The following VPS13C variants were observed in gnomAD, a reference collection of about 807,000 sequenced individuals.
VPS13C encodes vacuolar protein sorting 13 homolog C.
Under a neutral mutation model 456.8 loss-of-function variants are expected in VPS13C, and 358 were observed. The ratio of observed to expected loss-of-function variants is 0.78; its 90% CI spans 0.72 to 0.86. VPS13C has a LOEUF of 0.86. VPS13C is among the 40% of genes least tolerant of loss of function. The pLI is 0.00. For synonymous variants in VPS13C, 1,578 were observed against 1,486.7 expected (o/e 1.06, Z -1.41); for missense variants, 4,818 against 4,385.4 (o/e 1.10, Z -2.79).
intron 60 of VPS13C, 36 bp downstream of exon 60, chr15:61,917,305 C>A (rs949360281): frequency 1.3e-6 from 2 of 1,594,682 alleles, no homozygotes; most frequent in Non-Finnish European, 1.7e-6. Context: ...TTACTCTGTG[C>A]AACAACAAAA....
chr15:61,956,678 G>T (rs1169668398), intron 37 of VPS13C, among the ~76,000 whole-genome samples: 2 of 151,998 alleles, frequency 1.3e-5, no homozygotes, highest in South Asian at 4.1e-4. Context: ...TATCCAAATG[G>T]CCAATAACCA....
chr15:61,947,108 T>C, intron 43 of VPS13C, 85 bp downstream of exon 43: 1 of 856,452 alleles, frequency 1.2e-6, no homozygotes, highest in East Asian at 2.8e-5. Context: ...AAAAGAAAAC[T>C]CATGAGAAAT....
rs6494302 is a variant in VPS13C at position 62,023,742 on chromosome 15, T to C, written c.514+38A>G. 3,057 of 1,551,818 alleles carry C rather than the reference T, an allele frequency of 2.0e-3. 47 individuals carry two copies. In the African/African-American group the frequency reaches 0.027, roughly 14 times the overall value. ...AAATCAGAAATAAAGTGGCAATGTG[T>C]ATAAACAACACCATGGCATAAAACT... On this transcript the variant is annotated intron_variant, in intron 7 of 84. Coordinates refer to ENST00000644861, the MANE Select transcript of VPS13C (RefSeq NM_020821.3).
intron 82 of VPS13C, 76 bp from the exon 83 acceptor site, chr15:61,856,485 G>C (rs1893912614): frequency 6.5e-7 from 1 of 1,543,200 alleles, no homozygotes; most frequent in East Asian, 2.3e-5. Flanking sequence ...TCACCCTACT[G>C]GATGGCAGAG....
At chr15:62,047,324 C>T (rs1442515595) in intron 1 of VPS13C, among the ~76,000 whole-genome samples, 1 of 151,808 alleles carries the variant, frequency 6.6e-6, no homozygotes, top group Non-Finnish European at 1.5e-5. Flanking sequence ...ATCCCAACTA[C>T]TCAGGAGGCT....
chr15:62,027,256 C>T (rs1414818258), intron 6 of VPS13C, among the ~76,000 whole-genome samples: 1 of 151,812 alleles, frequency 6.6e-6, no homozygotes, highest in Non-Finnish European at 1.5e-5. Flanking sequence ...TAAAAAAAAA[C>T]TGAATCAATG....
intron 66 of VPS13C, among the ~76,000 whole-genome samples, chr15:61,898,157 T>G (rs1196275736): frequency 6.6e-6 from 1 of 151,196 alleles, no homozygotes; most frequent in Non-Finnish European, 1.5e-5. Context: ...CATGCCAAAA[T>G]GTAAAGACCA....
chr15:62,043,965 A>C (rs1350437733), intron 2 of VPS13C, among the ~76,000 whole-genome samples: 1 of 152,208 alleles, frequency 6.6e-6, no homozygotes, highest in African/African-American at 2.4e-5. Context: ...AGTCAACTAC[A>C]AAACTATACA....
At chr15:61,994,931 A>T (rs2046334804) in intron 16 of VPS13C, among the ~76,000 whole-genome samples, 1 of 152,294 alleles carries the variant, frequency 6.6e-6, no homozygotes, top group South Asian at 2.1e-4. Flanking sequence ...GATTCTGCTG[A>T]CATTGAAAAT....
At chr15:62,005,214 G>A (rs1374561380) in intron 15 of VPS13C, among the ~76,000 whole-genome samples, 4 of 152,136 alleles carry the variant, frequency 2.6e-5, no homozygotes, top group African/African-American at 7.2e-5. Flanking sequence ...CCTGTATTGG[G>A]TGCATATATA....
At position 61,915,865 on chromosome 15, in the gene VPS13C, G is replaced by C. The variant is rs532971259; in HGVS notation, c.8213C>G (p.Pro2738Arg). Residue 2738 changes from proline (P) to arginine (R), a missense_variant, in exon 61 of 85, where the codon CCT (proline) becomes CGT (arginine). Around this residue, in one of 3 missense-constraint regions of VPS13C, gnomAD observed 4,552 missense variants for 4,130.6 expected, o/e 1.10. Coordinates refer to ENST00000644861, the MANE Select transcript of VPS13C (RefSeq NM_020821.3). ...RIRDTLPEFF[P>R]VCFSSDSTEV... ...TGTGGAGTCAGAAGAAAAACACACA[G>C]GAAAGAATTCTGGTAGTGTATCACG... 24 of 1,613,890 alleles carry C rather than the reference G, an allele frequency of 1.5e-5. 1 individual carries two copies. The African/African-American group carries it at 2.9e-4, about 20-fold the overall frequency.
At chr15:62,054,223 G>C (rs1409113181) in intron 1 of VPS13C, among the ~76,000 whole-genome samples, 1 of 152,164 alleles carries the variant, frequency 6.6e-6, no homozygotes, top group Admixed American at 6.6e-5. Context: ...GTACCAGTTT[G>C]TGGGGAACAA....
chr15:61,908,984 T>C lies in VPS13C; in HGVS notation c.8978+8A>G, dbSNP rs1219070184. The C allele has an allele frequency of 2.5e-6, 4 of 1,612,592 alleles. No individual in the cohort carries two copies. Among genetic ancestry groups the C allele is most frequent in the Middle Eastern group, 1.6e-4 (1 of 6,066 alleles). Reference sequence around the variant, plus strand: ...AAAGTATTTCCCATTAACCCTTTTTTCTCATACCTCTGTTTGTATGTGAGG... The same window carrying C: ...AAAGTATTTCCCATTAACCCTTTTTCCTCATACCTCTGTTTGTATGTGAGG... On this transcript the variant is annotated splice_region_variant and intron_variant, in intron 65 of 84. Transcript: ENST00000644861.
chr15:61,857,338 G>A (rs150125988), intron 82 of VPS13C, among the ~76,000 whole-genome samples: 300 of 152,280 alleles, frequency 2.0e-3, no homozygotes, highest in African/African-American at 6.7e-3. Flanking sequence ...GGCAAAGTAG[G>A]TGACACAGGA....
At chr15:61,901,678 T>G (rs1253668872) in intron 66 of VPS13C, among the ~76,000 whole-genome samples, 1 of 151,852 alleles carries the variant, frequency 6.6e-6, no homozygotes, top group Non-Finnish European at 1.5e-5. Context: ...TGTAAACTAG[T>G]TCAACCATTG....
At position 61,880,483 on chromosome 15, in the gene VPS13C, GATTA is replaced by G. The variant is rs1284096749; in HGVS notation, c.10002+122_10002+125del. 32 of 595,120 alleles carry G rather than the reference GATTA, an allele frequency of 5.4e-5. No homozygotes were observed. In the Middle Eastern group the frequency reaches 1.9e-3, roughly 35 times the overall value. The allele number at this position is 595,120 out of a possible 1,614,324, so 36.9% of individuals were successfully genotyped here. Reference sequence around the variant, plus strand: ...TACAGAGAACTGTCTTAATTATTTCGATTAATCAAACAAAATTCCCACCAAATAC... The same window carrying G: ...TACAGAGAACTGTCTTAATTATTTCGATCAAACAAAATTCCCACCAAATAC... On this transcript the variant is annotated intron_variant, in intron 73 of 84. Coordinates refer to ENST00000644861, the MANE Select transcript of VPS13C (RefSeq NM_020821.3).
intron 9 of VPS13C, among the ~76,000 whole-genome samples, chr15:62,016,874 T>C (rs1179363440): frequency 6.6e-6 from 1 of 152,150 alleles, no homozygotes; most frequent in Non-Finnish European, 1.5e-5. Flanking sequence ...TTGAACTAGT[T>C]TACAGTCCCA....
At position 62,037,246 on chromosome 15, in the gene VPS13C, AATATAT is replaced by A. The variant is rs1482821978; in HGVS notation, c.188-2200_188-2195del. Among the ~76,000 whole-genome samples, 132 of 25,612 alleles carry A rather than the reference AATATAT, an allele frequency of 5.2e-3. 20 individuals carry two copies. Among genetic ancestry groups the A allele is most frequent in the Middle Eastern group, 0.011 (1 of 94 alleles). 16.8% of individuals were successfully genotyped at this position (25,612 alleles called of 152,430 possible). ...TAATATATTATATATAAATATATAT[AATATAT>A]TTATATATATTATATTATATAATAT... On this transcript the variant is annotated intron_variant, in intron 3 of 84. Coordinates refer to ENST00000644861, the MANE Select transcript of VPS13C (RefSeq NM_020821.3).
intron 1 of VPS13C, among the ~76,000 whole-genome samples, chr15:62,048,256 A>AG (rs2048492329): frequency 2.8e-5 from 1 of 35,906 alleles, no homozygotes; most frequent in Admixed American, 3.3e-4. Flanking sequence ...CCCTCCCCCC[A>AG]CCCCCCCCAA....
Sources: allele counts gnomAD v4.1 joint callset (sites outside exome capture counted in the v4.1 genomes callset), GRCh38; gene constraint gnomAD v4.1.1; regional missense constraint gnomAD v4.1.1; transcripts MANE v1.5; gene names NCBI Gene and HGNC (gene_info 2026-07-23, HGNC 2026-07-21).